Variants in RALYL observed in about 807,000 individuals in gnomAD.
The protein encoded by RALYL is RNA-binding Raly-like protein.
In RALYL, 29 loss-of-function variants were observed where a neutral mutation model predicts 35.1. The ratio of observed to expected loss-of-function variants is 0.83; its 90% CI spans 0.61 to 1.13. The LOEUF is 1.13. Among genes scored for constraint, RALYL ranks in the 50% most tolerant of loss-of-function variants. The pLI is 0.00. For missense variants in RALYL, 359 were observed against 360.4 expected (o/e 1.00, Z 0.03); for synonymous variants, 120 against 127.6 (o/e 0.94, Z 0.40).
chr8:84,685,726 C>T (rs1836624941), intron 2 of RALYL, among the ~76,000 whole-genome samples: 1 of 152,088 alleles, frequency 6.6e-6, no homozygotes, highest in African/African-American at 2.4e-5. Flanking sequence ...AAAATTTTGT[C>T]ACTGCCATAT....
chr8:84,679,870 C>T (rs568056698), intron 2 of RALYL: 18 of 357,110 alleles, frequency 5.0e-5, no homozygotes, highest in South Asian at 4.2e-4. Flanking sequence ...TAAAATTATA[C>T]TTTAAGTTTT....
chr8:84,461,143 ACT>A (rs1314151455), intron 1 of RALYL, among the ~76,000 whole-genome samples: 1 of 151,602 alleles, frequency 6.6e-6, no homozygotes, highest in Non-Finnish European at 1.5e-5. Flanking sequence ...CTAAAAGATT[ACT>A]CTGAGATAAT....
At chr8:84,621,565 C>T (rs2131084054) in intron 2 of RALYL, among the ~76,000 whole-genome samples, 1 of 151,292 alleles carries the variant, frequency 6.6e-6, no homozygotes, top group South Asian at 2.1e-4. Flanking sequence ...TTCGGCGTCG[C>T]TCACGCTGGG....
At chr8:84,479,688 T>G (rs950743290) in intron 1 of RALYL, among the ~76,000 whole-genome samples, 1 of 152,214 alleles carries the variant, frequency 6.6e-6, no homozygotes, top group Non-Finnish European at 1.5e-5. Context: ...TTTTTAAGAT[T>G]ACTGGGCTAC....
intron 2 of RALYL, among the ~76,000 whole-genome samples, chr8:84,727,462 T>A (rs576884351): frequency 2.6e-4 from 39 of 152,168 alleles, no homozygotes; most frequent in South Asian, 1.2e-3. Context: ...CTTTTCATTT[T>A]TTTTATTTTA....
intron 2 of RALYL, among the ~76,000 whole-genome samples, chr8:84,574,284 C>T (rs554193466): frequency 1.3e-5 from 2 of 152,092 alleles, no homozygotes; most frequent in Non-Finnish European, 2.9e-5. Flanking sequence ...ATTTCCAGTC[C>T]TTTGTGAATT....
intron 1 of RALYL, chr8:84,184,914 A>G (rs1458406224): frequency 1.3e-6 from 2 of 1,542,682 alleles, no homozygotes; most frequent in Non-Finnish European, 1.8e-6. Context: ...GCTCCAGGCC[A>G]CGCGAGCCGG....
At chr8:84,576,277 C>G (rs529234905) in intron 2 of RALYL, among the ~76,000 whole-genome samples, 1 of 152,146 alleles carries the variant, frequency 6.6e-6, no homozygotes, top group South Asian at 2.1e-4. Context: ...ACAAAAAAAG[C>G]ACTGAACATA....
intron 2 of RALYL, among the ~76,000 whole-genome samples, chr8:84,735,811 C>CGA (rs59842702): frequency 0.085 from 9,488 of 111,186 alleles, 330 homozygotes; most frequent in Middle Eastern, 0.1. Flanking sequence ...ATCCAAACCG[C>CGA]GAGAGAGAGA....
intron 1 of RALYL, among the ~76,000 whole-genome samples, chr8:84,294,684 C>T (rs1047555413): frequency 2.0e-5 from 3 of 151,880 alleles, no homozygotes; most frequent in East Asian, 1.9e-4. Context: ...CAAAGGTCAC[C>T]GACCTTCACT....
chr8:84,400,012 G>A (rs935615117), intron 1 of RALYL, among the ~76,000 whole-genome samples: 12 of 152,162 alleles, frequency 7.9e-5, no homozygotes, highest in African/African-American at 2.7e-4. Context: ...AGCTACTTAG[G>A]AGGCTGAGGC....
chr8:84,464,681 G>C (rs1169545109), intron 1 of RALYL, among the ~76,000 whole-genome samples: 3 of 152,044 alleles, frequency 2.0e-5, no homozygotes, highest in Admixed American at 2.0e-4. Context: ...GGGTGAAATG[G>C]TATTTCCAGT....
intron 1 of RALYL, among the ~76,000 whole-genome samples, chr8:84,371,295 C>G (rs1164090922): frequency 6.6e-6 from 1 of 151,886 alleles, no homozygotes; most frequent in Non-Finnish European, 1.5e-5. Context: ...ACAGCAATAT[C>G]CGAGGAAGAT....
At chr8:84,678,351 C>T (rs1834646535) in intron 2 of RALYL, among the ~76,000 whole-genome samples, 3 of 152,096 alleles carry the variant, frequency 2.0e-5, no homozygotes, top group Admixed American at 2.0e-4. Flanking sequence ...GCAACCTCCA[C>T]ACCCCAGGTT....
intron 1 of RALYL, among the ~76,000 whole-genome samples, chr8:84,253,157 G>A (rs1015300029): frequency 8.1e-6 from 1 of 123,126 alleles, no homozygotes. Context: ...GTGTGTATGT[G>A]TCTGTGTGTA....
intron 1 of RALYL, among the ~76,000 whole-genome samples, chr8:84,395,544 T>G (rs1861599634): frequency 6.6e-6 from 1 of 151,888 alleles, no homozygotes; most frequent in Non-Finnish European, 1.5e-5. Flanking sequence ...CATCAGCACT[T>G]GCACTTTTCT....
At chr8:84,371,538 A>ATC (rs1029241786) in intron 1 of RALYL, among the ~76,000 whole-genome samples, 8 of 109,766 alleles carry the variant, frequency 7.3e-5, no homozygotes, top group African/African-American at 1.9e-4. Flanking sequence ...ATTTATGATT[A>ATC]TCACACACAC....
intron 1 of RALYL, among the ~76,000 whole-genome samples, chr8:84,209,058 C>T: frequency 7.5e-6 from 1 of 133,178 alleles, no homozygotes; most frequent in Non-Finnish European, 1.6e-5. Context: ...TGCATACACA[C>T]ATTTAATAAT....
chr8:84,470,007 G>T (rs1368641844), intron 1 of RALYL, among the ~76,000 whole-genome samples: 1 of 152,112 alleles, frequency 6.6e-6, no homozygotes, highest in Non-Finnish European at 1.5e-5. Context: ...CTCGCGCACG[G>T]TGCGCGCACC....
Sources: allele counts gnomAD v4.1 joint callset (sites outside exome capture counted in the v4.1 genomes callset), GRCh38; gene constraint gnomAD v4.1.1; transcripts MANE v1.5; gene names NCBI Gene and HGNC (gene_info 2026-07-23, HGNC 2026-07-21).